GLI3: variants seen among roughly 807,000 people sequenced by gnomAD.
GLI3 encodes GLI family zinc finger 3, also known as transcription activator GLI3.
GLI3 carries 20 observed loss-of-function variants against 100.8 expected under a neutral mutation model. The ratio of observed to expected loss-of-function variants is 0.20; its 90% CI spans 0.14 to 0.29. GLI3 has a LOEUF of 0.29. GLI3 is among the 10% of genes least tolerant of loss of function. The pLI, the probability that GLI3 is intolerant of heterozygous loss-of-function variation, is 1.00. For synonymous variants in GLI3, 938 were observed against 860.5 expected (o/e 1.09, Z -1.58); for missense variants, 2,040 against 2,128.5 (o/e 0.96, Z 0.82).
intron 1 of GLI3, among the ~76,000 whole-genome samples, chr7:42,225,363 G>A (rs1306446310): frequency 1.3e-5 from 2 of 151,784 alleles, no homozygotes; most frequent in East Asian, 1.9e-4. Context: ...TTGTTTTTTC[G>A]GTTTTGTTTC....
chr7:42,085,037 G>C (rs532333303), intron 3 of GLI3, among the ~76,000 whole-genome samples: 1 of 150,866 alleles, frequency 6.6e-6, no homozygotes, highest in Non-Finnish European at 1.5e-5. Flanking sequence ...TCAGCCTCCC[G>C]AGTAGCTGGG....
intron 2 of GLI3, among the ~76,000 whole-genome samples, chr7:42,183,744 C>T (rs1787664052): frequency 6.6e-6 from 1 of 152,186 alleles, no homozygotes; most frequent in Non-Finnish European, 1.5e-5. Flanking sequence ...GGATTCCTCT[C>T]TCCACAACAT....
chr7:42,050,831 A>G (rs1050722607), intron 4 of GLI3, among the ~76,000 whole-genome samples: 1 of 152,206 alleles, frequency 6.6e-6, no homozygotes, highest in African/African-American at 2.4e-5. Flanking sequence ...TCCAGAGTTG[A>G]GAAGAGTGGT....
chr7:42,147,849 T>C (rs1786752424), intron 3 of GLI3, among the ~76,000 whole-genome samples: 1 of 152,192 alleles, frequency 6.6e-6, no homozygotes, highest in Non-Finnish European at 1.5e-5. Context: ...AGCACTTCTC[T>C]TAATGCAGCC....
Position 41,965,819 on chromosome 7 carries a change from T to C in GLI3, c.3254A>G (p.Asn1085Ser), listed in dbSNP as rs764409581. Residue 1085 changes from asparagine to serine, a missense_variant, in exon 15 of 15, where the codon AAC (asparagine) becomes AGC (serine). Around this residue, in one of 5 missense-constraint regions of GLI3, gnomAD observed 1,041 missense variants for 924.0 expected, o/e 1.13. Transcript: ENST00000395925. Reference sequence around the variant, plus strand: ...CGGCAGGAAATCCTCATCGTTCAGGTTGGCATCAGCGTCCATGGTCAGGGA... The same window carrying C: ...CGGCAGGAAATCCTCATCGTTCAGGCTGGCATCAGCGTCCATGGTCAGGGA... ...LESLTMDADA[N>S]LNDEDFLPDD... The C allele has an allele frequency of 1.9e-5, 31 of 1,613,216 alleles. No individual in the cohort carries two copies. The East Asian group carries it at 3.1e-4, about 16-fold the overall frequency.
chr7:42,017,797 T>C (rs539192455), intron 10 of GLI3, among the ~76,000 whole-genome samples: 1 of 152,236 alleles, frequency 6.6e-6, no homozygotes, highest in African/African-American at 2.4e-5. Context: ...TGCCACCGCA[T>C]TCTCCTCCCC....
intron 10 of GLI3, among the ~76,000 whole-genome samples, chr7:41,987,909 G>A (rs1012719306): frequency 3.3e-5 from 5 of 152,104 alleles, no homozygotes; most frequent in South Asian, 2.1e-4. Context: ...TGCACATGTC[G>A]CAGGCTCAAA....
intron 2 of GLI3, among the ~76,000 whole-genome samples, chr7:42,198,994 G>A (rs1787985429): frequency 6.7e-6 from 1 of 150,136 alleles, no homozygotes; most frequent in African/African-American, 2.5e-5. Flanking sequence ...AAAATGACAA[G>A]GCATTTTTTC....
intron 3 of GLI3, among the ~76,000 whole-genome samples, chr7:42,107,047 G>A (rs1222903182): frequency 1.3e-5 from 2 of 152,084 alleles, no homozygotes; most frequent in African/African-American, 2.4e-5. Flanking sequence ...CAGGTGTGGC[G>A]GCTCACACCT....
At chr7:42,222,731 G>A (rs1788509749) in intron 2 of GLI3, 1 of 229,544 alleles carries the variant, frequency 4.4e-6, no homozygotes, top group African/African-American at 2.3e-5. Flanking sequence ...GGAGACTGCT[G>A]TCCTGTCACT....
At position 41,965,979 on chromosome 7, in the gene GLI3, G is replaced by A; in HGVS notation, c.3094C>T (p.Pro1032Ser). 6.2e-7 allele frequency: 1 copy of A among 1,606,766 alleles called. No homozygotes were observed. The highest frequency in any genetic ancestry group is 8.5e-7 in the Non-Finnish European group (1 of 1,179,480). Residue 1032 changes from proline to serine, a missense_variant, in exon 15 of 15, where the codon CCC (proline) becomes TCC (serine). Transcript: ENST00000395925. ...TCCGCGGACGTGGCCATCGCCGGGG[G>A]GTTGCAGCTGCTGAGGCTGCTGAAG... Reference protein sequence around the residue: ...PRFSSLSSCNPPAMATSAEKR... With the variant: ...PRFSSLSSCNSPAMATSAEKR...
intron 3 of GLI3, among the ~76,000 whole-genome samples, chr7:42,078,320 A>G (rs1784923199): frequency 6.6e-6 from 1 of 152,222 alleles, no homozygotes; most frequent in African/African-American, 2.4e-5. Context: ...ACATGTTTTT[A>G]AAGTTATAGT....
intron 3 of GLI3, among the ~76,000 whole-genome samples, chr7:42,141,700 T>C (rs777788912): frequency 1.3e-5 from 2 of 152,116 alleles, no homozygotes; most frequent in Non-Finnish European, 2.9e-5. Context: ...AATGCAGATT[T>C]TACAAATGTA....
At chr7:41,977,996 T>C (rs191612923) in intron 11 of GLI3, 494 of 502,748 alleles carry the variant, frequency 9.8e-4, no homozygotes, top group Admixed American at 4.1e-3. Context: ...TATCTGCTCA[T>C]TGATCTCCTC....
chr7:42,135,440 G>A (rs1023674078), intron 3 of GLI3, among the ~76,000 whole-genome samples: 7 of 152,112 alleles, frequency 4.6e-5, no homozygotes, highest in African/African-American at 1.7e-4. Flanking sequence ...ATATATCTCA[G>A]GTCAAATCAA....
At chr7:42,146,785 A>G (rs1030615523) in intron 3 of GLI3, among the ~76,000 whole-genome samples, 1 of 152,238 alleles carries the variant, frequency 6.6e-6, no homozygotes. Context: ...TAAAAATACA[A>G]TGCAGAAAAC....
At chr7:42,058,014 A>C (rs1486354950) in intron 4 of GLI3, among the ~76,000 whole-genome samples, 3 of 152,180 alleles carry the variant, frequency 2.0e-5, no homozygotes, top group African/African-American at 7.2e-5. Context: ...TGTAACCAAA[A>C]ACCACTTGTA....
chr7:42,196,017 G>A (rs763681949), intron 2 of GLI3, among the ~76,000 whole-genome samples: 66 of 151,984 alleles, frequency 4.3e-4, no homozygotes, highest in African/African-American at 1.3e-3. Context: ...TGTCCAATAA[G>A]GTAAACAACG....
chr7:42,228,079 C>T (rs1469497515), intron 1 of GLI3, among the ~76,000 whole-genome samples: 1 of 152,130 alleles, frequency 6.6e-6, no homozygotes, highest in Admixed American at 6.5e-5. Context: ...TCCCAGGCCG[C>T]GGCGGCGGCG....
Sources: gnomAD v4.1 joint callset for allele counts (sites outside exome capture counted in the v4.1 genomes callset) on GRCh38, gnomAD v4.1.1 for gene constraint, gnomAD v4.1.1 regional missense constraint, MANE v1.5 for transcripts, NCBI Gene and HGNC (gene_info 2026-07-23, HGNC 2026-07-21) for gene names.